The following ZNF438 variants were observed in gnomAD, a reference collection of about 807,000 sequenced individuals.
The protein encoded by ZNF438 is zinc finger protein 438.
ZNF438 carries 25 observed loss-of-function variants against 38.0 expected under a neutral mutation model. The ratio of observed to expected loss-of-function variants is 0.66; its 90% CI spans 0.48 to 0.92. The LOEUF (loss-of-function observed/expected upper bound fraction) is 0.92, where lower values mean the gene tolerates loss of function less well. ZNF438 is among the 40% of genes least tolerant of loss of function. The pLI, the probability that ZNF438 is intolerant of heterozygous loss-of-function variation, is 0.00. For synonymous variants in ZNF438, 372 were observed against 364.1 expected (o/e 1.02, Z -0.25); for missense variants, 1,007 against 999.6 (o/e 1.01, Z -0.10).
In ZNF438 at chr10:30,845,181, G is replaced by A. The variant is rs368784672; in HGVS notation, c.2267C>T (p.Thr756Ile). The A allele has an allele frequency of 1.4e-4, 231 of 1,614,056 alleles. No homozygotes were observed. The highest frequency in any genetic ancestry group is 1.9e-4 in the Non-Finnish European group (224 of 1,180,032). Reference sequence around the variant, plus strand: ...GCCAGGACACTCAGGGCCCTGGCAGGTTTCCCTTGGCTTGTTGGTTCCTGA... The same window carrying A: ...GCCAGGACACTCAGGGCCCTGGCAGATTTCCCTTGGCTTGTTGGTTCCTGA... Residue 756 changes from threonine (T) to isoleucine (I), a missense_variant, in exon 6 of 6, where the codon ACC becomes ATC. Physicochemically the swap from Thr to Ile is moderately conservative, Grantham distance 89. Coordinates refer to ENST00000413025, the Ensembl canonical transcript of ZNF438.
chr10:31,031,888 G>C (rs530075619), exon 1 of ZNF438: 14 of 152,490 alleles, frequency 9.2e-5, no homozygotes, highest in African/African-American at 3.1e-4. Flanking sequence ...CCAGCAGTCG[G>C]GGAGGTCAAG....
intron 3 of ZNF438, among the ~76,000 whole-genome samples, chr10:30,892,055 T>C (rs2040753724): frequency 6.6e-6 from 1 of 152,202 alleles, no homozygotes; most frequent in South Asian, 2.1e-4. Context: ...AATATAGACA[T>C]GTATTGTGAA....
At position 30,959,570 on chromosome 10, in the gene ZNF438, C is replaced by CTA. The variant is rs1278921032; in HGVS notation, c.-191-17921_-191-17920dup. Among the ~76,000 whole-genome samples the CTA allele has an allele frequency of 7.5e-4, 87 of 116,130 alleles. 2 individuals carry two copies. Among genetic ancestry groups the CTA allele is most frequent in the African/African-American group, 2.6e-3 (85 of 33,000 alleles). 76.2% of individuals were successfully genotyped at this position (116,130 alleles called of 152,430 possible). A position where few individuals can be genotyped will look rare whatever the true frequency, so the allele number is the denominator to read the frequency against. On this transcript the variant is annotated intron_variant, in intron 1 of 5. Transcript: ENST00000413025. ...TGGCTAACACGGTGAAACCCCGTCT[C>CTA]TACTAAAAATACAAAAAAAAAAAAA...
chr10:30,979,613 T>C (rs1201649415), intron 1 of ZNF438, among the ~76,000 whole-genome samples: 1 of 152,182 alleles, frequency 6.6e-6, no homozygotes, highest in Non-Finnish European at 1.5e-5. Context: ...ACATCATGCA[T>C]CTACAACCAT....
chr10:30,881,607 G>A (rs2039270629), intron 3 of ZNF438, among the ~76,000 whole-genome samples: 5 of 152,014 alleles, frequency 3.3e-5, no homozygotes, highest in Admixed American at 2.6e-4. Context: ...AATCCCAGTA[G>A]ACTTTTTGTA....
At chr10:30,903,218 G>C (rs2042236475) in intron 3 of ZNF438, among the ~76,000 whole-genome samples, 1 of 152,184 alleles carries the variant, frequency 6.6e-6, no homozygotes, top group South Asian at 2.1e-4. Context: ...GCCGGCTCCG[G>C]ACTCAGCCAG....
At chr10:31,010,301 A>G (rs1371783312) in intron 1 of ZNF438, among the ~76,000 whole-genome samples, 1 of 152,226 alleles carries the variant, frequency 6.6e-6, no homozygotes, top group Admixed American at 6.5e-5. Context: ...TTCCATGCTG[A>G]ATAAAAATGT....
chr10:30,883,597 G>T (rs2039553998), intron 3 of ZNF438, among the ~76,000 whole-genome samples: 1 of 152,182 alleles, frequency 6.6e-6, no homozygotes, highest in East Asian at 1.9e-4. Context: ...ATTGCCATAT[G>T]CTGTGGCTCA....
intron 1 of ZNF438, among the ~76,000 whole-genome samples, chr10:30,975,467 T>C (rs1256821946): frequency 6.6e-6 from 1 of 152,178 alleles, no homozygotes; most frequent in African/African-American, 2.4e-5. Context: ...AGGGACATCT[T>C]AGGACACAAG....
intron 3 of ZNF438, among the ~76,000 whole-genome samples, chr10:30,906,273 CT>C (rs1375245109): frequency 2.0e-5 from 3 of 152,110 alleles, no homozygotes; most frequent in African/African-American, 7.2e-5. Flanking sequence ...TCTTGCACTT[CT>C]TTTGCTTATT....
rs150979434 is a variant in ZNF438, at chr10:30,933,572, A to G, written c.-115+8003T>C. ...GTTCAAGGCTACTGTGAGTTATGAT[A>G]AGGCCACTGTACTTCATCTTGGGTG... On this transcript the variant is annotated intron_variant, in intron 2 of 5. Transcript: ENST00000413025. Among the ~76,000 whole-genome samples the G allele has an allele frequency of 2.4e-3, 367 of 152,206 alleles. 1 individual carries two copies. Among genetic ancestry groups the G allele is most frequent in the African/African-American group, 8.3e-3 (344 of 41,534 alleles).
chr10:30,895,899 T>C (rs1018814710), intron 3 of ZNF438, among the ~76,000 whole-genome samples: 14 of 152,170 alleles, frequency 9.2e-5, no homozygotes, highest in African/African-American at 3.4e-4. Context: ...TATTTACCAT[T>C]GGAAATGTAA....
intron 1 of ZNF438, among the ~76,000 whole-genome samples, chr10:30,998,933 A>T (rs1371480967): frequency 6.6e-6 from 1 of 152,220 alleles, no homozygotes; most frequent in Admixed American, 6.5e-5. Context: ...TCAAGAAAAT[A>T]AAACAACATT....
chr10:30,884,482 A>G (rs1035937595), intron 3 of ZNF438, among the ~76,000 whole-genome samples: 1 of 152,198 alleles, frequency 6.6e-6, no homozygotes, highest in Non-Finnish European at 1.5e-5. Context: ...TACTCAAGGA[A>G]TCATAGTATA....
rs984626924 is a variant in ZNF438, at chr10:30,915,088, C to T, written c.-114-6073G>A. Among the ~76,000 whole-genome samples, 3 of 151,912 alleles carry T rather than the reference C, an allele frequency of 2.0e-5. No homozygotes were observed. The South Asian group carries it at 6.2e-4, about 31-fold the overall frequency. ...ATCCTTTGAAAAATAAATGAAATAT[C>T]ATAAATCATTTGACAGTTTTTAAGC... On this transcript the variant is annotated intron_variant, in intron 2 of 5. Transcript: ENST00000413025.
At chr10:30,899,040 C>A (rs2041690089) in intron 3 of ZNF438, among the ~76,000 whole-genome samples, 1 of 152,148 alleles carries the variant, frequency 6.6e-6, no homozygotes, top group Non-Finnish European at 1.5e-5. Context: ...GTTATTCTAT[C>A]TTTTCTTTGC....
At chr10:30,943,795 G>A (rs543389730) in intron 1 of ZNF438, among the ~76,000 whole-genome samples, 1 of 152,110 alleles carries the variant, frequency 6.6e-6, no homozygotes, top group African/African-American at 2.4e-5. Flanking sequence ...GGTGAGCAAA[G>A]GTACACATCA....
intron 4 of ZNF438, among the ~76,000 whole-genome samples, chr10:30,863,292 T>TA (rs1027679902): frequency 3.9e-5 from 6 of 152,144 alleles, no homozygotes; most frequent in African/African-American, 1.4e-4. Flanking sequence ...AAGAAAATAA[T>TA]AAAAAAGAAC....
chr10:30,949,008 G>A (rs1487177574), intron 1 of ZNF438, among the ~76,000 whole-genome samples: 12 of 152,146 alleles, frequency 7.9e-5, no homozygotes, highest in East Asian at 3.9e-4. Context: ...GAGAAAGGTC[G>A]GGTTACCCTC....
Sources: gnomAD v4.1 joint callset for allele counts (sites outside exome capture counted in the v4.1 genomes callset) on GRCh38, gnomAD v4.1.1 for gene constraint, MANE v1.5 for transcripts, NCBI Gene and HGNC (gene_info 2026-07-23, HGNC 2026-07-21) for gene names.